ASPH: variants seen among roughly 807,000 people sequenced by gnomAD.
The protein encoded by ASPH is aspartate beta-hydroxylase, also known as aspartyl/asparaginyl beta-hydroxylase.
Under a neutral mutation model 118.4 loss-of-function variants are expected in ASPH, and 100 were observed. That is an observed-to-expected ratio of 0.84 (90% confidence interval 0.72 to 1.00). The LOEUF (loss-of-function observed/expected upper bound fraction) is 1.00, where lower values mean the gene tolerates loss of function less well. ASPH is among the 50% of genes least tolerant of loss of function. ASPH has a pLI of 0.00. For missense variants in ASPH, 920 were observed against 919.5 expected (o/e 1.00, Z -0.01); for synonymous variants, 315 against 325.6 (o/e 0.97, Z 0.35).
chr8:61,550,808 C>T (rs879580470), intron 20 of ASPH, among the ~76,000 whole-genome samples: 14 of 152,154 alleles, frequency 9.2e-5, no homozygotes, highest in South Asian at 2.1e-4. Flanking sequence ...TCATTGAGGA[C>T]GCAGTTGACA....
At chr8:61,707,889 C>T (rs1458739189) in intron 1 of ASPH, among the ~76,000 whole-genome samples, 1 of 152,084 alleles carries the variant, frequency 6.6e-6, no homozygotes, top group Non-Finnish European at 1.5e-5. Context: ...TATATTTCTA[C>T]ACATAGGGAT....
Position 61,664,810 on chromosome 8 carries a change from C to G in ASPH, c.323-11150G>C. The stretch of plus-strand genomic sequence containing the variant: ...GGGAGGTGTCCACGAAAGAGAAAAA[C>G]AGGGAAGCAGGAAGGGGAAGGAGGG... On this transcript the variant is annotated intron_variant, in intron 3 of 24. Coordinates refer to ENST00000379454, the MANE Select transcript of ASPH (RefSeq NM_004318.4). 6 of 987,732 alleles carry G rather than the reference C, an allele frequency of 6.1e-6. No individual in the cohort carries two copies. In the South Asian group the frequency reaches 1.4e-4, roughly 23 times the overall value. The allele number at this position is 987,732 out of a possible 1,614,324, so 61.2% of individuals were successfully genotyped here. A position where few individuals can be genotyped will look rare whatever the true frequency, so the allele number is the denominator to read the frequency against.
At chr8:61,549,964 C>T (rs73263149) in intron 20 of ASPH, among the ~76,000 whole-genome samples, 1 of 152,144 alleles carries the variant, frequency 6.6e-6, no homozygotes, top group African/African-American at 2.4e-5. Context: ...CAAGTTACAA[C>T]AGCATGTTTA....
At chr8:61,627,595 G>C (rs1853520644) in intron 13 of ASPH, among the ~76,000 whole-genome samples, 1 of 152,174 alleles carries the variant, frequency 6.6e-6, no homozygotes, top group African/African-American at 2.4e-5. Flanking sequence ...ATTTAAATGA[G>C]TTTTAGATTC....
chr8:61,690,809 G>A (rs1015125796), intron 1 of ASPH, among the ~76,000 whole-genome samples: 2 of 151,504 alleles, frequency 1.3e-5, no homozygotes, highest in Non-Finnish European at 2.9e-5. Context: ...ATTTCTTCTG[G>A]AAGAAAAAAT....
At chr8:61,551,072 A>G (rs7017540) in intron 20 of ASPH, among the ~76,000 whole-genome samples, 147,561 of 152,294 alleles carry the variant, frequency 0.97, 71,512 homozygotes, top group East Asian at 1. Flanking sequence ...CTGAGCTGGC[A>G]GTAGACATGA....
chr8:61,509,173 G>C (rs754882749), intron 24 of ASPH, among the ~76,000 whole-genome samples: 4 of 152,168 alleles, frequency 2.6e-5, no homozygotes, highest in Non-Finnish European at 5.9e-5. Context: ...TACTGGAAAG[G>C]AGCCCTGATC....
At position 61,576,809 on chromosome 8, in the gene ASPH, T is replaced by G. The variant is rs776684832; in HGVS notation, c.1112A>C (p.Tyr371Ser). The change falls in exon 16 of 25, where the codon TAC becomes TCC. Residue 371 changes from tyrosine to serine, a missense_variant. Physicochemically the swap from Tyr to Ser is moderately radical, Grantham distance 144. Coordinates refer to ENST00000379454, the MANE Select transcript of ASPH (RefSeq NM_004318.4). The part of the protein sequence containing the change: ...VNAFKELVRK[Y>S]PQSPRARYGK... Reference sequence around the variant, plus strand: ...ATATCTTGCTCGTGGACTCTGAGGGTATTTGCGTACTAGTTCTTTAAATGC... The same window carrying G: ...ATATCTTGCTCGTGGACTCTGAGGGGATTTGCGTACTAGTTCTTTAAATGC... 6.2e-7 allele frequency: 1 copy of G among 1,610,066 alleles called. No homozygotes were observed. The highest frequency in any genetic ancestry group is 1.1e-5 in the South Asian group (1 of 90,164).
chr8:61,682,187 T>C (rs1011125275), intron 2 of ASPH, among the ~76,000 whole-genome samples: 6 of 151,960 alleles, frequency 3.9e-5, no homozygotes, highest in African/African-American at 1.4e-4. Context: ...TTTAAAATGA[T>C]TATGATGAAA....
chr8:61,598,465 CAT>C (rs1370259954), intron 14 of ASPH, among the ~76,000 whole-genome samples: 1 of 152,138 alleles, frequency 6.6e-6, no homozygotes. Context: ...CATAATTCCA[CAT>C]ATATATGCAT....
chr8:61,567,700 AG>A (rs1199357012), intron 16 of ASPH, among the ~76,000 whole-genome samples: 8 of 152,180 alleles, frequency 5.3e-5, no homozygotes, highest in African/African-American at 1.9e-4. Flanking sequence ...TCTGGGAAAG[AG>A]GCACTCTTCT....
chr8:61,710,333 G>A (rs746379301), intron 1 of ASPH, among the ~76,000 whole-genome samples: 1 of 152,120 alleles, frequency 6.6e-6, no homozygotes, highest in Non-Finnish European at 1.5e-5. Flanking sequence ...GAGAGCTCAG[G>A]GGCTAAGTAT....
At chr8:61,518,921 A>G (rs1213086253) in intron 22 of ASPH, among the ~76,000 whole-genome samples, 1 of 152,222 alleles carries the variant, frequency 6.6e-6, no homozygotes, top group Non-Finnish European at 1.5e-5. Context: ...AAAATACACA[A>G]GAACCATAAG....
At chr8:61,522,101 C>T (rs1813301842) in intron 22 of ASPH, among the ~76,000 whole-genome samples, 1 of 152,090 alleles carries the variant, frequency 6.6e-6, no homozygotes, top group Non-Finnish European at 1.5e-5. Flanking sequence ...AAGATAAGAG[C>T]AAAATAGACG....
At chr8:61,579,094 T>C (rs1768638970) in intron 15 of ASPH, 4 of 1,611,014 alleles carry the variant, frequency 2.5e-6, no homozygotes, top group Admixed American at 1.7e-5. Flanking sequence ...CTGCAGAGTC[T>C]GGCTGGGAAG....
intron 3 of ASPH, chr8:61,663,261 C>G: frequency 4.1e-6 from 4 of 985,306 alleles, no homozygotes; most frequent in Non-Finnish European, 4.8e-6. Context: ...CCACTCAACT[C>G]CCATTCCAAA....
chr8:61,564,894 A>T (rs1162114487), intron 17 of ASPH, among the ~76,000 whole-genome samples: 1 of 152,218 alleles, frequency 6.6e-6, no homozygotes, highest in Non-Finnish European at 1.5e-5. Flanking sequence ...AGTGACATTA[A>T]TAATCTGTCC....
At chr8:61,640,745 G>A (rs16927665) in intron 10 of ASPH, among the ~76,000 whole-genome samples, 2,075 of 152,298 alleles carry the variant, frequency 0.014, 39 homozygotes, top group African/African-American at 0.047. Flanking sequence ...GTTTCAGACC[G>A]AAGACACTAA....
rs747426598 is a variant in ASPH at position 61,567,159 on chromosome 8, G to T, written c.1300+9C>A. ...ATTTCCTACTGAATTACCTTTGATT[G>T]CATCTTACCTAGAAATTGTTGCCTG... On this transcript the variant is annotated intron_variant, in intron 17 of 24. Transcript: ENST00000379454. 5 of 1,612,678 alleles carry T rather than the reference G, an allele frequency of 3.1e-6. No individual in the cohort carries two copies. The highest frequency in any genetic ancestry group is 1.1e-5 in the South Asian group (1 of 90,912).
Sources: allele counts gnomAD v4.1 joint callset (sites outside exome capture counted in the v4.1 genomes callset), GRCh38; gene constraint gnomAD v4.1.1; transcripts MANE v1.5; gene names NCBI Gene and HGNC (gene_info 2026-07-23, HGNC 2026-07-21).